The following FAM47E variants were observed in gnomAD, a reference collection of about 807,000 sequenced individuals.
The protein encoded by FAM47E is family with sequence similarity 47 member E, also known as protein FAM47E.
Under a neutral mutation model 41.6 loss-of-function variants are expected in FAM47E, and 32 were observed. That is an observed-to-expected ratio of 0.77 (90% CI 0.58 to 1.03). The LOEUF is 1.03. Ranked by LOEUF, FAM47E falls within the 50% of genes least tolerant of loss-of-function variation. The pLI is 0.00. For missense variants in FAM47E, 424 were observed against 485.4 expected, an observed-to-expected ratio of 0.87 and a Z score of 1.19; for synonymous variants, 184 against 188.7, an observed-to-expected ratio of 0.98 and a Z score of 0.20.
At chr4:76,224,285 TC>T (rs1159538430) in intron 2 of FAM47E, among the ~76,000 whole-genome samples, 1 of 152,198 alleles carries the variant, frequency 6.6e-6, no homozygotes, top group Non-Finnish European at 1.5e-5. Context: ...ATTGCCTTTA[TC>T]CGAAGGAAAA....
chr4:76,237,701 G>T (rs2197102), intron 2 of FAM47E, among the ~76,000 whole-genome samples: 110,838 of 151,822 alleles, frequency 0.73, 41,532 homozygotes, highest in East Asian at 0.82. Context: ...TTCTGGGGAG[G>T]CCTCAGGAAA....
At chr4:76,265,610 T>TATTCATTA (rs1265998459) in intron 3 of FAM47E, among the ~76,000 whole-genome samples, 2 of 25,910 alleles carry the variant, frequency 7.7e-5, no homozygotes, top group East Asian at 9.2e-4. Context: ...TGCTTTTTGT[T>TATTCATTA]ATTCATAAGG....
intron 5 of FAM47E, among the ~76,000 whole-genome samples, chr4:76,277,299 A>G (rs965153750): frequency 1.3e-5 from 2 of 152,088 alleles, no homozygotes; most frequent in Admixed American, 6.6e-5. Context: ...CCTGGCTAAC[A>G]TGGTGAAACC....
intron 2 of FAM47E, among the ~76,000 whole-genome samples, chr4:76,228,074 G>C (rs1219328383): frequency 1.5e-5 from 2 of 131,560 alleles, no homozygotes. Flanking sequence ...CATTGTGCTA[G>C]TTGGTGCCTG....
At chr4:76,276,204 G>A (rs903618955) in intron 5 of FAM47E, among the ~76,000 whole-genome samples, 1 of 152,194 alleles carries the variant, frequency 6.6e-6, no homozygotes, top group African/African-American at 2.4e-5. Flanking sequence ...CTAGGGAGAT[G>A]TAGCTGGGAA....
chr4:76,246,805 T>C (rs963573654), upstream of FAM47E, among the ~76,000 whole-genome samples: 3 of 152,202 alleles, frequency 2.0e-5, no homozygotes, highest in Non-Finnish European at 4.4e-5. Context: ...GTCTGGCTTC[T>C]TTTGCTCAAC....
At chr4:76,216,640 T>A (rs1347067417) in intron 1 of FAM47E, among the ~76,000 whole-genome samples, 1 of 152,206 alleles carries the variant, frequency 6.6e-6, no homozygotes, top group Non-Finnish European at 1.5e-5. Context: ...AAACAAGGGT[T>A]TACAGCTCAA....
intron 2 of FAM47E, among the ~76,000 whole-genome samples, chr4:76,226,508 A>G (rs1165581760): frequency 6.6e-6 from 1 of 152,210 alleles, no homozygotes; most frequent in Non-Finnish European, 1.5e-5. Flanking sequence ...CCAAGCCACA[A>G]GGGGTTTTAT....
At chr4:76,266,239 A>G (rs895656418) in intron 3 of FAM47E, among the ~76,000 whole-genome samples, 5 of 152,180 alleles carry the variant, frequency 3.3e-5, no homozygotes, top group Non-Finnish European at 7.3e-5. Context: ...ACGTCTTTTC[A>G]GCACGTTTAC....
In FAM47E at chr4:76,271,647, T is replaced by C; in HGVS notation, c.749T>C (p.Leu250Pro). 1 of 1,552,178 alleles carries C rather than the reference T, an allele frequency of 6.4e-7. No individual in the cohort carries two copies. The part of the protein sequence containing the change: ...DYETKPSHDA[L>P]HTMKLNQVPL... ...GAGACCAAACCAAGCCATGATGCGC[T>C]CCACACGATGAAGCTAAATCAGGTT... The change falls in exon 5 of 8, where the codon CTC becomes CCC. Residue 250 changes from leucine to proline, a missense_variant. By Grantham distance (98) the Leu-to-Pro change is moderately conservative. Coordinates refer to ENST00000424749, the MANE Select transcript of FAM47E (RefSeq NM_001136570.3).
At chr4:76,221,721 C>T (rs1443246749) in intron 2 of FAM47E, among the ~76,000 whole-genome samples, 2 of 152,132 alleles carry the variant, frequency 1.3e-5, no homozygotes, top group Admixed American at 6.5e-5. Context: ...CACACGGACA[C>T]AAAGATGGGA....
intron 1 of FAM47E, among the ~76,000 whole-genome samples, chr4:76,255,531 G>T (rs987841459): frequency 3.3e-5 from 5 of 152,100 alleles, no homozygotes; most frequent in African/African-American, 4.8e-5. Context: ...GAGTTTAGGG[G>T]GAACCCACAG....
chr4:76,255,561 C>T (rs1257491790), intron 1 of FAM47E, among the ~76,000 whole-genome samples: 3 of 152,084 alleles, frequency 2.0e-5, no homozygotes, highest in African/African-American at 4.8e-5. Context: ...GAAGAGCCAA[C>T]GCCATTCAGC....
chr4:76,272,596 T>C (rs749927772), intron 5 of FAM47E, among the ~76,000 whole-genome samples: 2 of 152,224 alleles, frequency 1.3e-5, no homozygotes, highest in African/African-American at 2.4e-5. Flanking sequence ...ATACGGTTTA[T>C]GAAAACTATG....
chr4:76,259,651 AG>A (rs1734325242), intron 2 of FAM47E, among the ~76,000 whole-genome samples: 1 of 152,242 alleles, frequency 6.6e-6, no homozygotes, highest in Non-Finnish European at 1.5e-5. Flanking sequence ...GTGTAATCAA[AG>A]CTTCTAAAAG....
intron 3 of FAM47E, among the ~76,000 whole-genome samples, chr4:76,265,938 A>C (rs539770502): frequency 1.3e-5 from 2 of 149,628 alleles, no homozygotes; most frequent in African/African-American, 4.8e-5. Context: ...AGAGGCATTC[A>C]TACTCACTTA....
chr4:76,215,424 T>C (rs1553951382), intron 1 of FAM47E, among the ~76,000 whole-genome samples: 1 of 152,204 alleles, frequency 6.6e-6, no homozygotes, highest in Non-Finnish European at 1.5e-5. Flanking sequence ...CTGTCACTAA[T>C]GAGAATCTGA....
At chr4:76,242,265 T>A (rs888081975) in intron 2 of FAM47E, among the ~76,000 whole-genome samples, 6 of 152,162 alleles carry the variant, frequency 3.9e-5, no homozygotes, top group Non-Finnish European at 8.8e-5. Flanking sequence ...GGTGCTGTCC[T>A]TGCAATAGTG....
chr4:76,225,960 T>A (rs1055049407), intron 2 of FAM47E, among the ~76,000 whole-genome samples: 25 of 152,308 alleles, frequency 1.6e-4, no homozygotes, highest in African/African-American at 5.5e-4. Flanking sequence ...TTCAGTGAAA[T>A]TGGTACCAAT....
Sources: allele counts gnomAD v4.1 joint callset (sites outside exome capture counted in the v4.1 genomes callset), GRCh38; gene constraint gnomAD v4.1.1; transcripts MANE v1.5; gene names NCBI Gene and HGNC (gene_info 2026-07-23, HGNC 2026-07-21).